ATP5PF: variants seen among roughly 807,000 people sequenced by gnomAD.
The protein encoded by ATP5PF is ATP synthase peripheral stalk subunit F6, mitochondrial.
A neutral mutation model predicts 12.0 loss-of-function variants in ATP5PF; 7 were observed. The observed-to-expected ratio is 0.58, with a 90% confidence interval of 0.33 to 1.10. ATP5PF has a LOEUF of 1.10. Ranked by LOEUF, ATP5PF falls within the 50% of genes least tolerant of loss-of-function variation. ATP5PF has a pLI of 0.03. For missense variants in ATP5PF, 120 were observed against 127.7 expected (o/e 0.94, Z 0.29); for synonymous variants, 41 against 45.4 (o/e 0.90, Z 0.39).
At chr21:25,734,995 G>C, upstream of ATP5PF, 1 of 1,551,534 alleles carries the variant, frequency 6.4e-7, no homozygotes, top group Non-Finnish European at 8.7e-7. Flanking sequence ...TCACCGGACA[G>C]GAAGCGTCTC....
intron 2 of ATP5PF, 69 bp from the exon 3 acceptor site, chr21:25,725,419 C>T (rs2034591975): frequency 1.4e-6 from 2 of 1,429,938 alleles, no homozygotes; most frequent in Admixed American, 2.8e-5. Flanking sequence ...TTACTTTTCA[C>T]CACCACATTC....
intron 2 of ATP5PF, among the ~76,000 whole-genome samples, chr21:25,725,931 G>A (rs543981515): frequency 4.6e-5 from 7 of 152,298 alleles, no homozygotes; most frequent in African/African-American, 1.7e-4. Flanking sequence ...ATTTCTCAGG[G>A]TCTAAGTTGC....
At chr21:25,725,870 A>G (rs1418299341) in intron 2 of ATP5PF, among the ~76,000 whole-genome samples, 1 of 152,232 alleles carries the variant, frequency 6.6e-6, no homozygotes, top group East Asian at 1.9e-4. Flanking sequence ...TCCTCAAACC[A>G]ATCTCTAACA....
chr21:25,734,398 C>T (rs991420803), intron 1 of ATP5PF: 311 of 992,348 alleles, frequency 3.1e-4, no homozygotes, highest in Non-Finnish European at 3.6e-4. Flanking sequence ...CATAAAGTCG[C>T]CTAATGAAGT....
intron 3 of ATP5PF, 46 bp downstream of exon 3, chr21:25,725,180 T>C (rs2034583810): frequency 6.4e-7 from 1 of 1,572,644 alleles, no homozygotes; most frequent in Non-Finnish European, 8.6e-7. Context: ...GTAAATATTC[T>C]TCACTTATCC....
At chr21:25,727,321 C>T (rs2034643806) in intron 2 of ATP5PF, among the ~76,000 whole-genome samples, 1 of 152,166 alleles carries the variant, frequency 6.6e-6, no homozygotes, top group Admixed American at 6.6e-5. Context: ...GTAAGTCTTG[C>T]TGCTTATCTT....
chr21:25,725,449 T>TC, intron 2 of ATP5PF, 99 bp from the exon 3 acceptor site: 1 of 1,353,686 alleles, frequency 7.4e-7, no homozygotes, highest in Non-Finnish European at 9.6e-7. Flanking sequence ...TTTTTTTTTT[T>TC]TTCTTTTTTG....
intron 2 of ATP5PF, among the ~76,000 whole-genome samples, chr21:25,728,980 G>C (rs552988618): frequency 6.9e-6 from 1 of 145,702 alleles, no homozygotes. Flanking sequence ...GAATTGGTGC[G>C]CCTCACTGTT....
At chr21:25,724,711 C>A (rs759172113) in intron 3 of ATP5PF, 34 bp from the exon 4 acceptor site, 17 of 1,581,264 alleles carry the variant, frequency 1.1e-5, no homozygotes, top group Admixed American at 2.0e-5. Context: ...TCAAGCTTAG[C>A]CAAATTGCAA....
rs755692518 is a variant in ATP5PF at position 25,724,691 on chromosome 21, GA to G, written c.290-15del. ...CAAATTTGGGATCTAAGAAGAGGGG[GA>G]AAAAAGGGTCAAGCTTAGCCAAATT... is the stretch of plus-strand genomic sequence containing the variant. On this transcript the variant is annotated splice_polypyrimidine_tract_variant and intron_variant, in intron 3 of 3. Coordinates refer to ENST00000284971, the MANE Select transcript of ATP5PF (RefSeq NM_001003703.2). 13 of 1,589,344 alleles carry G rather than the reference GA, an allele frequency of 8.2e-6. No homozygotes were observed. Among genetic ancestry groups the G allele is most frequent in the Admixed American group, 5.8e-5 (3 of 51,834 alleles).
intron 2 of ATP5PF, among the ~76,000 whole-genome samples, chr21:25,728,310 A>C (rs2034669769): frequency 6.6e-6 from 1 of 152,210 alleles, no homozygotes; most frequent in African/African-American, 2.4e-5. Flanking sequence ...TTACTTGCTC[A>C]GTCTACAATC....
At chr21:25,728,399 A>C (rs932435689) in intron 2 of ATP5PF, among the ~76,000 whole-genome samples, 2 of 152,198 alleles carry the variant, frequency 1.3e-5, no homozygotes, top group African/African-American at 4.8e-5. Flanking sequence ...GGGAAATAGA[A>C]TTATACCATT....
chr21:25,731,038 T>A (rs915368980), intron 1 of ATP5PF, among the ~76,000 whole-genome samples: 5 of 152,040 alleles, frequency 3.3e-5, no homozygotes, highest in Admixed American at 6.6e-5. Flanking sequence ...GGTCAGAGGT[T>A]CGAGACCAGC....
upstream of ATP5PF, chr21:25,735,340 G>T (rs940118280): frequency 1.7e-5 from 4 of 237,980 alleles, no homozygotes; most frequent in Admixed American, 5.3e-5. Context: ...TGCCTTGGGC[G>T]GTCGTTTTGC....
intron 1 of ATP5PF, among the ~76,000 whole-genome samples, chr21:25,732,985 CAAAAAA>C (rs370858284): frequency 4.4e-4 from 21 of 47,810 alleles, no homozygotes; most frequent in East Asian, 4.0e-3. Context: ...AACTCTGTCT[CAAAAAA>C]AAAAAAAAAA....
chr21:25,730,755 A>C (rs2034748574), intron 1 of ATP5PF, among the ~76,000 whole-genome samples: 1 of 142,650 alleles, frequency 7.0e-6, no homozygotes, highest in Non-Finnish European at 1.5e-5. Context: ...AAAAAAAAAA[A>C]AAAAAAAAAA....
intron 1 of ATP5PF, among the ~76,000 whole-genome samples, 173 bp from the exon 2 acceptor site, chr21:25,729,974 G>A (rs1276022385): frequency 6.6e-6 from 1 of 152,066 alleles, no homozygotes; most frequent in African/African-American, 2.4e-5. Context: ...AAGTTTTTTA[G>A]GTCTTAACCA....
At chr21:25,727,321 C>A (rs2034643806) in intron 2 of ATP5PF, among the ~76,000 whole-genome samples, 1 of 152,166 alleles carries the variant, frequency 6.6e-6, no homozygotes, top group South Asian at 2.1e-4. Context: ...GTAAGTCTTG[C>A]TGCTTATCTT....
At chr21:25,728,772 C>CT (rs2034681427) in intron 2 of ATP5PF, among the ~76,000 whole-genome samples, 1 of 152,186 alleles carries the variant, frequency 6.6e-6, no homozygotes, top group African/African-American at 2.4e-5. Flanking sequence ...GTATTCTTTC[C>CT]TATGAACTCC....
Sources: gnomAD v4.1 joint callset for allele counts (sites outside exome capture counted in the v4.1 genomes callset) on GRCh38, gnomAD v4.1.1 for gene constraint, MANE v1.5 for transcripts, NCBI Gene and HGNC (gene_info 2026-07-23, HGNC 2026-07-21) for gene names.